CALCRL: variants seen among roughly 807,000 people sequenced by gnomAD.
CALCRL encodes the protein calcitonin gene-related peptide type 1 receptor.
Under a neutral mutation model 60.4 loss-of-function variants are expected in CALCRL, and 27 were observed. The observed-to-expected ratio is 0.45, with a 90% confidence interval of 0.33 to 0.62. CALCRL has a LOEUF of 0.62. Ranked by LOEUF, CALCRL falls within the 20% of genes least tolerant of loss-of-function variation. The probability of loss-of-function intolerance (pLI) is 0.03; values close to 1 mark genes in which losing one functional copy is unlikely to be tolerated. For synonymous variants in CALCRL, 190 were observed against 182.6 expected, an observed-to-expected ratio of 1.04 and a Z score of -0.33; for missense variants, 424 against 540.7, an observed-to-expected ratio of 0.78 and a Z score of 2.14.
chr2:187,433,279 T>C (rs1690482683), intron 1 of CALCRL, among the ~76,000 whole-genome samples: 1 of 152,098 alleles, frequency 6.6e-6, no homozygotes, highest in Admixed American at 6.6e-5. Flanking sequence ...CATGGTTCTT[T>C]TTTCATCCCA....
intron 1 of CALCRL, among the ~76,000 whole-genome samples, chr2:187,434,083 G>A (rs1189520891): frequency 6.6e-6 from 1 of 152,028 alleles, no homozygotes; most frequent in Non-Finnish European, 1.5e-5. Context: ...TTTCAAAGGA[G>A]ATTTTGATAG....
At chr2:187,380,848 G>A in intron 5 of CALCRL, 61 bp from the exon 6 acceptor site, 2 of 1,331,284 alleles carry the variant, frequency 1.5e-6, no homozygotes, top group African/African-American at 1.4e-5. Context: ...TGAAGACATA[G>A]TTTTAAAAGT....
chr2:187,392,794 C>T lies in CALCRL; in HGVS notation c.-292-5038G>A, dbSNP rs150435780. ...TCATAGCTCACTGGTGCCTTGAACT[C>T]CTAGTCTCAAGTAATCCTCTCACTT... On this transcript the variant is annotated intron_variant, in intron 1 of 14. Transcript: ENST00000392370. Among the ~76,000 whole-genome samples, 1,055 of 152,128 alleles carry T rather than the reference C, an allele frequency of 6.9e-3. 13 individuals carry two copies. Among genetic ancestry groups the T allele is most frequent in the Admixed American group, 6.9e-3 (105 of 15,244 alleles).
chr2:187,390,078 A>G (rs1385882093), intron 1 of CALCRL, among the ~76,000 whole-genome samples: 1 of 152,196 alleles, frequency 6.6e-6, no homozygotes, highest in Non-Finnish European at 1.5e-5. Context: ...CAGTGTTTGA[A>G]TATGTACTGA....
intron 1 of CALCRL, among the ~76,000 whole-genome samples, chr2:187,442,975 G>A (rs774678676): frequency 2.6e-5 from 4 of 151,972 alleles, no homozygotes; most frequent in South Asian, 2.1e-4. Context: ...TGTCAACGAG[G>A]ATTGTGCAAC....
chr2:187,366,292 A>G (rs1231792593), intron 8 of CALCRL, among the ~76,000 whole-genome samples: 2 of 149,848 alleles, frequency 1.3e-5, no homozygotes, highest in Non-Finnish European at 3.0e-5. Context: ...CTAGTGTTCT[A>G]TATCACTGTA....
At chr2:187,361,248 T>A (rs1432316897) in intron 9 of CALCRL, among the ~76,000 whole-genome samples, 1 of 152,018 alleles carries the variant, frequency 6.6e-6, no homozygotes, top group Non-Finnish European at 1.5e-5. Flanking sequence ...CCATAGGTTA[T>A]CCTATCCAAA....
At chr2:187,439,374 C>T (rs1690790379) in intron 1 of CALCRL, among the ~76,000 whole-genome samples, 1 of 151,846 alleles carries the variant, frequency 6.6e-6, no homozygotes, top group African/African-American at 2.4e-5. Context: ...GAATTGCTCA[C>T]ACCCAGGAGA....
intron 1 of CALCRL, among the ~76,000 whole-genome samples, chr2:187,433,403 T>A (rs1376548810): frequency 1.3e-5 from 2 of 152,070 alleles, no homozygotes; most frequent in Admixed American, 1.3e-4. Flanking sequence ...AATAAACATG[T>A]TGCATATATT....
chr2:187,355,927 G>T (rs1459113481), intron 12 of CALCRL, among the ~76,000 whole-genome samples: 1 of 152,040 alleles, frequency 6.6e-6, no homozygotes, highest in Non-Finnish European at 1.5e-5. Flanking sequence ...AAAATATCTA[G>T]GAATACAACT....
chr2:187,390,020 A>G (rs1257387510), intron 1 of CALCRL, among the ~76,000 whole-genome samples: 1 of 152,104 alleles, frequency 6.6e-6, no homozygotes, highest in Non-Finnish European at 1.5e-5. Flanking sequence ...AATCAAGAAC[A>G]CTGATCATAA....
intron 1 of CALCRL, chr2:187,415,684 G>A: frequency 3.3e-6 from 2 of 604,306 alleles, no homozygotes; most frequent in Non-Finnish European, 6.2e-6. Flanking sequence ...GCACCAGGTT[G>A]TCTCCTCCGA....
chr2:187,391,382 A>C (rs927896157), intron 1 of CALCRL, among the ~76,000 whole-genome samples: 6 of 152,180 alleles, frequency 3.9e-5, no homozygotes, highest in African/African-American at 1.4e-4. Flanking sequence ...CATGAAATAT[A>C]ATAGTTTCCT....
At chr2:187,439,826 G>A (rs894072629) in intron 1 of CALCRL, among the ~76,000 whole-genome samples, 7 of 152,070 alleles carry the variant, frequency 4.6e-5, no homozygotes, top group African/African-American at 1.7e-4. Flanking sequence ...GGTGGCAAAT[G>A]AAATCAGAAG....
chr2:187,392,677 A>G (rs2105805299), intron 1 of CALCRL, among the ~76,000 whole-genome samples: 1 of 152,262 alleles, frequency 6.6e-6, no homozygotes, highest in African/African-American at 2.4e-5. Context: ...GCAAGTTAAT[A>G]TCTTTACTTC....
intron 1 of CALCRL, among the ~76,000 whole-genome samples, chr2:187,409,309 T>C (rs953666886): frequency 2.0e-5 from 3 of 152,192 alleles, no homozygotes; most frequent in Non-Finnish European, 2.9e-5. Flanking sequence ...GAAACGTTAT[T>C]AAGATCTAAA....
At chr2:187,399,750 CAA>C (rs1385351193) in intron 1 of CALCRL, among the ~76,000 whole-genome samples, 6 of 151,188 alleles carry the variant, frequency 4.0e-5, no homozygotes, top group African/African-American at 9.7e-5. Flanking sequence ...GGTATAGACA[CAA>C]AACAGAATAC....
At chr2:187,391,986 G>T (rs1688465827) in intron 1 of CALCRL, among the ~76,000 whole-genome samples, 1 of 151,976 alleles carries the variant, frequency 6.6e-6, no homozygotes, top group Non-Finnish European at 1.5e-5. Flanking sequence ...TAGTGTAAAA[G>T]CATGTTTTAT....
chr2:187,370,705 G>T (rs2105754706), intron 8 of CALCRL, among the ~76,000 whole-genome samples: 1 of 152,236 alleles, frequency 6.6e-6, no homozygotes, highest in African/African-American at 2.4e-5. Context: ...CCTTATAGCA[G>T]ACAGGTTAAT....
Sources: gnomAD v4.1 joint callset for allele counts (sites outside exome capture counted in the v4.1 genomes callset) on GRCh38, gnomAD v4.1.1 for gene constraint, MANE v1.5 for transcripts, NCBI Gene and HGNC (gene_info 2026-07-23, HGNC 2026-07-21) for gene names.